TRIM54: variants seen among roughly 807,000 people sequenced by gnomAD.
TRIM54 encodes the protein tripartite motif containing 54.
A neutral mutation model predicts 42.0 loss-of-function variants in TRIM54; 40 were observed. That is an observed-to-expected ratio of 0.95 (90% CI 0.74 to 1.24). The LOEUF (loss-of-function observed/expected upper bound fraction) is 1.24. TRIM54 is among the 50% of genes most tolerant of loss of function. TRIM54 has a pLI of 0.00. For missense variants in TRIM54, 485 were observed against 480.3 expected, an observed-to-expected ratio of 1.01 and a Z score of -0.09; for synonymous variants, 199 against 194.9, an observed-to-expected ratio of 1.02 and a Z score of -0.17.
At chr2:27,285,048 G>T (rs529053157) in intron 1 of TRIM54, among the ~76,000 whole-genome samples, 12 of 152,262 alleles carry the variant, frequency 7.9e-5, no homozygotes, top group Non-Finnish European at 1.3e-4. Context: ...TGATACCCAG[G>T]GCTTTGGGGT....
Position 27,299,398 on chromosome 2 carries a change from C to T in TRIM54, c.495C>T (p.Thr165=). 6.2e-7 allele frequency: 1 copy of T among 1,613,980 alleles called. No individual in the cohort carries two copies. Among genetic ancestry groups the T allele is most frequent in the South Asian group, 1.1e-5 (1 of 91,052 alleles). ...HKDCEVAPLP[T]IYKRQKSELS... The stretch of plus-strand genomic sequence containing the variant: ...ACTGTGAGGTGGCCCCACTGCCCAC[C>T]ATTTACAAACGCCAGAAGGTATCAA... Residue 165 remains threonine, a synonymous_variant, in exon 3 of 9, where the codon ACC becomes ACT. Coordinates refer to ENST00000380075, the MANE Select transcript of TRIM54 (RefSeq NM_187841.3).
At chr2:27,305,557 C>G in intron 4 of TRIM54, 27 bp from the exon 5 acceptor site, 1 of 1,595,532 alleles carries the variant, frequency 6.3e-7, no homozygotes, top group Non-Finnish European at 8.6e-7. Context: ...GCCACGCCTT[C>G]CCTCATCCTT....
At chr2:27,299,459 T>C in intron 3 of TRIM54, 43 bp downstream of exon 3, 2 of 1,601,586 alleles carry the variant, frequency 1.2e-6, no homozygotes, top group Non-Finnish European at 1.7e-6. Context: ...AGATGGGGGC[T>C]TAGGACAGGG....
In TRIM54 at chr2:27,306,310, A is replaced by G; in HGVS notation, c.964A>G (p.Met322Val). ...CGTAAGGGTGGAGCACGTGGCCGAA[A>G]TGCTGCGGACCATCGACTTCCAGCC... The part of the protein sequence containing the change: ...FTVRVEHVAE[M>V]LRTIDFQPGA... Residue 322 changes from methionine to valine, a missense_variant, in exon 7 of 9, where the codon ATG becomes GTG. Physicochemically the swap from Met to Val is conservative, Grantham distance 21. Transcript: ENST00000380075. The surrounding 1 kb of genome is among the most constrained non-coding windows in gnomAD (Gnocchi z 6.1). 1 of 1,614,130 alleles carries G rather than the reference A, an allele frequency of 6.2e-7. No individual in the cohort carries two copies. Among genetic ancestry groups the G allele is most frequent in the South Asian group, 1.1e-5 (1 of 91,084 alleles).
At chr2:27,297,267 C>T (rs968705803) in intron 1 of TRIM54, among the ~76,000 whole-genome samples, 4 of 152,210 alleles carry the variant, frequency 2.6e-5, no homozygotes, top group Non-Finnish European at 5.9e-5. Flanking sequence ...GCTCTTAGCC[C>T]AATTCCACAG....
Position 27,303,271 on chromosome 2 carries a change from C to T in TRIM54, c.514-1688C>T, listed in dbSNP as rs1236730144. Among the ~76,000 whole-genome samples the T allele has an allele frequency of 4.6e-5, 7 of 152,220 alleles. No individual in the cohort carries two copies. In the East Asian group the frequency reaches 1.2e-3, roughly 25 times the overall value. On this transcript the variant is annotated intron_variant, in intron 3 of 8. Transcript: ENST00000380075. ...GTACCTGCAGCTAAGATTCCAGAGA[C>T]CCGGCTGGGCGCAGTGGCTCACGCC...
At chr2:27,284,326 T>C (rs1235574065) in intron 1 of TRIM54, among the ~76,000 whole-genome samples, 1 of 152,122 alleles carries the variant, frequency 6.6e-6, no homozygotes, top group African/African-American at 2.4e-5. Context: ...GGGCAGCTTG[T>C]TTTGGAAAGG....
intron 1 of TRIM54, among the ~76,000 whole-genome samples, chr2:27,295,078 T>C (rs1678827343): frequency 6.6e-6 from 1 of 151,704 alleles, no homozygotes; most frequent in South Asian, 2.1e-4. Context: ...TGTTTGTTTG[T>C]TTTTTGAGAC....
chr2:27,283,323 C>A (rs530567245), intron 1 of TRIM54, among the ~76,000 whole-genome samples: 2 of 152,160 alleles, frequency 1.3e-5, no homozygotes, highest in South Asian at 4.1e-4. Flanking sequence ...AAACAAAACC[C>A]GACCCTGTGA....
intron 1 of TRIM54, among the ~76,000 whole-genome samples, chr2:27,295,767 A>G (rs1052427285): frequency 6.6e-6 from 1 of 152,164 alleles, no homozygotes; most frequent in Non-Finnish European, 1.5e-5. Context: ...ATATCTCTAT[A>G]TGCTTGCCAT....
chr2:27,291,248 A>G (rs12053390), intron 1 of TRIM54, among the ~76,000 whole-genome samples: 42,262 of 151,992 alleles, frequency 0.28, 6,634 homozygotes, highest in African/African-American at 0.41. Flanking sequence ...CCAGCTACTC[A>G]GGAGGCTGAG....
chr2:27,287,692 TA>T (rs376379382), intron 1 of TRIM54, among the ~76,000 whole-genome samples: 11 of 149,412 alleles, frequency 7.4e-5, no homozygotes, highest in East Asian at 3.9e-4. Context: ...CTCAGCTAAT[TA>T]AAAAAAAAAT....
In TRIM54 at chr2:27,299,334, C is replaced by T; in HGVS notation, c.431C>T (p.Pro144Leu). 1 of 1,614,090 alleles carries T rather than the reference C, an allele frequency of 6.2e-7. No homozygotes were observed. ...INIYCLSCEV[P>L]TCSLCKVFGA... ...ATTTACTGCCTGAGCTGTGAGGTGC[C>T]CACCTGCTCTCTCTGCAAGGTCTTC... Residue 144 changes from proline (P) to leucine (L), a missense_variant, in exon 3 of 9, where the codon CCC becomes CTC. Coordinates refer to ENST00000380075, the MANE Select transcript of TRIM54 (RefSeq NM_187841.3).
chr2:27,303,307 A>G (rs910955582), intron 3 of TRIM54, among the ~76,000 whole-genome samples: 1 of 152,048 alleles, frequency 6.6e-6, no homozygotes, highest in Non-Finnish European at 1.5e-5. Context: ...TGTAATCTCA[A>G]CACTTTGGGA....
At chr2:27,297,287 A>G (rs530624992) in intron 1 of TRIM54, among the ~76,000 whole-genome samples, 11 of 152,298 alleles carry the variant, frequency 7.2e-5, no homozygotes, top group Non-Finnish European at 1.3e-4. Context: ...GGTCTATTCA[A>G]TTCCTAAGCA....
chr2:27,302,368 C>T (rs1430019454), intron 3 of TRIM54, among the ~76,000 whole-genome samples: 1 of 148,668 alleles, frequency 6.7e-6, no homozygotes, highest in East Asian at 2.0e-4. Context: ...GAATTGTTTA[C>T]CTGGGAGGCA....
rs139658595 is a variant in TRIM54, at chr2:27,290,539, G to A, written c.168+7640G>A. 5.6e-3 allele frequency among the ~76,000 whole-genome samples: 858 copies of A among 152,266 alleles called. 4 individuals carry two copies. The highest frequency in any genetic ancestry group is 0.02 in the African/African-American group (814 of 41,540). ...AAATTAGCCGGGCATGGTGGCGGGC[G>A]CCTAGCTGAGGCAAGAGAATCGCTT... On this transcript the variant is annotated intron_variant, in intron 1 of 8. Coordinates refer to ENST00000380075, the MANE Select transcript of TRIM54 (RefSeq NM_187841.3).
chr2:27,295,463 G>A (rs908280379), intron 1 of TRIM54, among the ~76,000 whole-genome samples: 2 of 151,916 alleles, frequency 1.3e-5, no homozygotes, highest in African/African-American at 4.8e-5. Flanking sequence ...GCCTGCCACC[G>A]CACCCAGCTA....
Position 27,305,668 on chromosome 2 carries a change from C to A in TRIM54, c.694C>A (p.Leu232Met), listed in dbSNP as rs1224873001. 1.2e-6 allele frequency: 2 copies of A among 1,613,354 alleles called. No homozygotes were observed. Among genetic ancestry groups the A allele is most frequent in the Non-Finnish European group, 8.5e-7 (1 of 1,179,856 alleles). ...GCTGGAGGAGCGCAAGGGTGAGCTG[C>A]TGCAGGCGCTGGCCCGGGAGCAAGA... Reference protein sequence around the residue: ...AVLEERKGELLQALAREQEEK... With the variant: ...AVLEERKGELMQALAREQEEK... Residue 232 changes from leucine (L) to methionine (M), a missense_variant, in exon 5 of 9, where the codon CTG becomes ATG. Transcript: ENST00000380075.
Sources: allele counts gnomAD v4.1 joint callset (sites outside exome capture counted in the v4.1 genomes callset), GRCh38; gene constraint gnomAD v4.1.1; non-coding constraint Gnocchi (gnomAD v3.1); transcripts MANE v1.5; gene names NCBI Gene and HGNC (gene_info 2026-07-23, HGNC 2026-07-21).